The following MARK2 variants were observed in gnomAD, a reference collection of about 807,000 sequenced individuals.
MARK2 encodes serine/threonine-protein kinase MARK2.
Under a neutral mutation model 89.8 loss-of-function variants are expected in MARK2, and 16 were observed. The observed-to-expected ratio is 0.18, with a 90% CI of 0.12 to 0.27. MARK2 has a LOEUF of 0.27. Ranked by LOEUF, MARK2 falls within the 10% of genes least tolerant of loss-of-function variation. The probability of loss-of-function intolerance (pLI) is 1.00; values close to 1 mark genes in which losing one functional copy is unlikely to be tolerated. For synonymous variants in MARK2, 382 were observed against 399.5 expected (o/e 0.96, Z 0.52); for missense variants, 621 against 1,049.9 (o/e 0.59, Z 5.65).
At position 63,910,901 on chromosome 11, in the gene MARK2, G is replaced by A. The variant is rs988469364; in HGVS notation, c.*1664G>A. 1.3e-5 allele frequency: 2 copies of A among 152,354 alleles called. No homozygotes were observed. Among genetic ancestry groups the A allele is most frequent in the Admixed American group, 1.3e-4 (2 of 15,302 alleles). The allele number at this position is 152,354 out of a possible 1,614,324, so 9.4% of individuals were successfully genotyped here. A position where few individuals can be genotyped will look rare whatever the true frequency, so the allele number is the denominator to read the frequency against. ...GGGCATGGCTTGGCTCCCAAAGGGG[G>A]TAGGGGCCCGGGGCACCCAGGCAAG... On this transcript the variant is annotated 3_prime_UTR_variant, in exon 19 of 19. Transcript: ENST00000402010.
chr11:63,866,434 G>A (rs1591007076), intron 1 of MARK2, among the ~76,000 whole-genome samples: 1 of 151,348 alleles, frequency 6.6e-6, no homozygotes, highest in Non-Finnish European at 1.5e-5. Context: ...TGAAACAGCC[G>A]ATAGGGCAGG....
chr11:63,871,051 T>C (rs1046764316), intron 1 of MARK2, among the ~76,000 whole-genome samples: 1 of 152,212 alleles, frequency 6.6e-6, no homozygotes, highest in Non-Finnish European at 1.5e-5. Flanking sequence ...CAATTTTACA[T>C]GTATATGTGT....
rs1940937295 is a variant in MARK2 at position 63,902,046 on chromosome 11, CA to C, written c.1102-151del. ...GCATGTGTGTCTCCAGGGTCTCCTC[CA>C]GGGGGGATGTATTGGTCTTACAAGT... On this transcript the variant is annotated intron_variant, in intron 11 of 18. Transcript: ENST00000402010. The surrounding 1 kb of genome is among the most constrained non-coding windows in gnomAD (Gnocchi z 4.2). 3 of 726,760 alleles carry C rather than the reference CA, an allele frequency of 4.1e-6. No homozygotes were observed. The highest frequency in any genetic ancestry group is 4.5e-6 in the Non-Finnish European group (2 of 444,310). The allele number at this position is 726,760 out of a possible 1,614,324, so 45.0% of individuals were successfully genotyped here.
intron 1 of MARK2, among the ~76,000 whole-genome samples, chr11:63,859,991 A>G (rs1048871110): frequency 6.6e-6 from 1 of 151,998 alleles, no homozygotes; most frequent in Non-Finnish European, 1.5e-5. Flanking sequence ...GGTATACTTT[A>G]TTTTTCCTGT....
chr11:63,857,234 T>C (rs887143716), intron 1 of MARK2, among the ~76,000 whole-genome samples: 6 of 152,222 alleles, frequency 3.9e-5, no homozygotes, highest in African/African-American at 7.2e-5. Context: ...TGGCACGATG[T>C]TGGCTCACTG....
Position 63,888,752 on chromosome 11 carries a change from G to A in MARK2, c.55-6407G>A, listed in dbSNP as rs541674634. The A allele has an allele frequency of 1.5e-4, 186 of 1,211,152 alleles. 2 individuals carry two copies. The South Asian group carries it at 2.2e-3, about 14-fold the overall frequency. The allele number at this position is 1,211,152 out of a possible 1,614,324, so 75.0% of individuals were successfully genotyped here. On this transcript the variant is annotated intron_variant, in intron 1 of 18. Transcript: ENST00000402010. ...CCGTCCAGGTTCCCAGGCAGGAACC[G>A]CTCGGCCTGGCTGCTTAGCTACTTT...
intron 1 of MARK2, among the ~76,000 whole-genome samples, chr11:63,861,684 C>G (rs891812224): frequency 6.6e-6 from 1 of 151,762 alleles, no homozygotes; most frequent in Non-Finnish European, 1.5e-5. Context: ...TTTATTGAGC[C>G]CTTACTCTGT....
In MARK2 at chr11:63,902,980, T is replaced by C; in HGVS notation, c.1417-81T>C. 1 of 1,271,012 alleles carries C rather than the reference T, an allele frequency of 7.9e-7. No individual in the cohort carries two copies. Among genetic ancestry groups the C allele is most frequent in the Non-Finnish European group, 1.1e-6 (1 of 871,708 alleles). The allele number at this position is 1,271,012 out of a possible 1,614,324, so 78.7% of individuals were successfully genotyped here. The stretch of plus-strand genomic sequence containing the variant: ...CTTCAGGTGGAAGGGACAGGAAGCC[T>C]GTTCCATGAACCTGGGGGGAGAACC... On this transcript the variant is annotated intron_variant, in intron 13 of 18. Coordinates refer to ENST00000402010, the MANE Select transcript of MARK2 (RefSeq NM_001039469.3). The surrounding 1 kb of genome is among the most constrained non-coding windows in gnomAD (Gnocchi z 4.2).
At chr11:63,906,569 T>C (rs1941354425) in intron 17 of MARK2, among the ~76,000 whole-genome samples, 1 of 150,102 alleles carries the variant, frequency 6.7e-6, no homozygotes, top group Non-Finnish European at 1.5e-5. Context: ...GCATGCGCTA[T>C]GAGGAAGCTC....
rs1164157297 is a variant in MARK2 at position 63,839,293 on chromosome 11, G to A, written c.-214G>A. 3.0e-6 allele frequency: 1 copy of A among 333,480 alleles called. No individual in the cohort carries two copies. Among genetic ancestry groups the A allele is most frequent in the Non-Finnish European group, 5.4e-6 (1 of 185,334 alleles). The allele number at this position is 333,480 out of a possible 1,614,324, so 20.7% of individuals were successfully genotyped here. Reference sequence around the variant, plus strand: ...CACAGCCCAGCCGGGGGTCGGGGGGGTGCGGTCCGGAGCCGCTCGGAGCCG... The same window carrying A: ...CACAGCCCAGCCGGGGGTCGGGGGGATGCGGTCCGGAGCCGCTCGGAGCCG... On this transcript the variant is annotated 5_prime_UTR_variant, in exon 1 of 19. In the 5' UTR this introduces an upstream ATG that the reference lacks. Coordinates refer to ENST00000402010, the MANE Select transcript of MARK2 (RefSeq NM_001039469.3).
At chr11:63,873,192 C>G (rs1355131373) in intron 1 of MARK2, among the ~76,000 whole-genome samples, 2 of 152,272 alleles carry the variant, frequency 1.3e-5, no homozygotes, top group South Asian at 2.1e-4. Flanking sequence ...GAAAGCACTT[C>G]TAAATACCCC....
At chr11:63,889,064 C>T in intron 1 of MARK2, 1 of 835,762 alleles carries the variant, frequency 1.2e-6, no homozygotes, top group African/African-American at 1.7e-5. Flanking sequence ...GGCGCCCTGC[C>T]TGAGTCCAGC....
chr11:63,895,394 C>CA, intron 2 of MARK2, 56 bp downstream of exon 2: 1 of 1,570,808 alleles, frequency 6.4e-7, no homozygotes, highest in Non-Finnish European at 8.7e-7. Flanking sequence ...GACACTCCAG[C>CA]AGGTGGTGAT....
At chr11:63,867,885 G>A (rs1377120968) in intron 1 of MARK2, among the ~76,000 whole-genome samples, 1 of 152,162 alleles carries the variant, frequency 6.6e-6, no homozygotes, top group Non-Finnish European at 1.5e-5. Context: ...CAGTAAATTG[G>A]GGGAATAGGC....
intron 1 of MARK2, among the ~76,000 whole-genome samples, chr11:63,887,284 A>G (rs1032618077): frequency 1.3e-5 from 2 of 152,220 alleles, no homozygotes; most frequent in African/African-American, 4.8e-5. Flanking sequence ...AATGGTGACA[A>G]AAGCTCTGGG....
chr11:63,841,747 C>T lies in MARK2; in HGVS notation c.54+2187C>T, dbSNP rs565851585. Among the ~76,000 whole-genome samples, 323 of 152,318 alleles carry T rather than the reference C, an allele frequency of 2.1e-3. 1 individual carries two copies. The highest frequency in any genetic ancestry group is 6.6e-3 in the African/African-American group (275 of 41,568). On this transcript the variant is annotated intron_variant, in intron 1 of 18. Coordinates refer to ENST00000402010, the MANE Select transcript of MARK2 (RefSeq NM_001039469.3). Reference sequence around the variant, plus strand: ...TGAGGCTGGTGGGGGGCATTGTGTTCAGCAGAGCAGAGTAACAGACTGCCT... The same window carrying T: ...TGAGGCTGGTGGGGGGCATTGTGTTTAGCAGAGCAGAGTAACAGACTGCCT...
intron 3 of MARK2, among the ~76,000 whole-genome samples, chr11:63,897,658 A>G (rs1940524180): frequency 6.6e-6 from 1 of 152,198 alleles, no homozygotes; most frequent in Admixed American, 6.5e-5. Context: ...TTTCACAAAG[A>G]GAGCGTGAGT....
chr11:63,904,802 G>T lies in MARK2; in HGVS notation c.1693G>T (p.Val565Phe). 6.2e-7 allele frequency: 1 copy of T among 1,614,054 alleles called. No homozygotes were observed. Among genetic ancestry groups the T allele is most frequent in the Non-Finnish European group, 8.5e-7 (1 of 1,179,992 alleles). Reference sequence around the variant, plus strand: ...TTCCCACAGCACAGCCCCCCAGCGTGTCCCTGTTGCCTCCCCATCCGCCCA... The same window carrying T: ...TTCCCACAGCACAGCCCCCCAGCGTTTCCCTGTTGCCTCCCCATCCGCCCA... Reference protein sequence around the residue: ...VPRPSTAPQRVPVASPSAHNI... With the variant: ...VPRPSTAPQRFPVASPSAHNI... The change falls in exon 16 of 19, where the codon GTC (valine) becomes TTC (phenylalanine). Residue 565 changes from valine to phenylalanine, a missense_variant. This residue lies in a region of MARK2 where 397 missense variants were observed against 567.8 expected (regional missense o/e 0.70). Coordinates refer to ENST00000402010, the MANE Select transcript of MARK2 (RefSeq NM_001039469.3). The surrounding 1 kb of genome is among the most constrained non-coding windows in gnomAD (Gnocchi z 6.3).
chr11:63,878,456 G>A (rs533914210), intron 1 of MARK2, among the ~76,000 whole-genome samples: 1 of 135,498 alleles, frequency 7.4e-6, no homozygotes, highest in East Asian at 2.5e-4. Context: ...TGCAAGCTCC[G>A]CCTCCTGGGT....
Sources: gnomAD v4.1 joint callset for allele counts (sites outside exome capture counted in the v4.1 genomes callset) on GRCh38, gnomAD v4.1.1 for gene constraint, gnomAD v4.1.1 regional missense constraint, Gnocchi (gnomAD v3.1) non-coding constraint, MANE v1.5 for transcripts, NCBI Gene and HGNC (gene_info 2026-07-23, HGNC 2026-07-21) for gene names.